C3: variants seen among roughly 807,000 people sequenced by gnomAD.
C3 encodes complement C3.
A neutral mutation model predicts 207.9 loss-of-function variants in C3; 97 were observed. That is an observed-to-expected ratio of 0.47 (90% CI 0.40 to 0.55). The LOEUF (loss-of-function observed/expected upper bound fraction) is 0.55. C3 is among the 20% of genes least tolerant of loss of function. The probability of loss-of-function intolerance (pLI) is 0.00; values close to 1 mark genes in which losing one functional copy is unlikely to be tolerated. For synonymous variants in C3, 848 were observed against 857.6 expected (o/e 0.99, Z 0.20); for missense variants, 1,684 against 2,171.7 (o/e 0.78, Z 4.46).
In C3 at chr19:6,700,690, A is replaced by G. The variant is rs868620550; in HGVS notation, c.2440+1437T>C. ...TTATATATGTAATATATAATATATG[A>G]TATATTATATATGTAATATGTGGTA... On this transcript the variant is annotated intron_variant, in intron 19 of 40. Coordinates refer to ENST00000245907, the MANE Select transcript of C3 (RefSeq NM_000064.4). Among the ~76,000 whole-genome samples the G allele has an allele frequency of 6.3e-4, 10 of 15,994 alleles. 1 individual carries two copies. The highest frequency in any genetic ancestry group is 5.2e-4 in the Non-Finnish European group (5 of 9,536). 10.5% of individuals were successfully genotyped at this position (15,994 alleles called of 152,430 possible).
In C3 at chr19:6,693,474, C is replaced by T. The variant is rs2051854630; in HGVS notation, c.3168G>A (p.Gln1056=). The T allele has an allele frequency of 6.2e-7, 1 of 1,612,238 alleles. No individual in the cohort carries two copies. Among genetic ancestry groups the T allele is most frequent in the African/African-American group, 1.3e-5 (1 of 74,876 alleles). Residue 1056 remains glutamine, a synonymous_variant, in exon 25 of 41, where the codon CAG becomes CAA. Transcript: ENST00000245907. Reference sequence around the variant, plus strand: ...CAGAGCTGGGTTGTCTGAAGGCCAGCTGCTGGGTGTACCCTGCAGAGAAGA... The same window carrying T: ...CAGAGCTGGGTTGTCTGAAGGCCAGTTGCTGGGTGTACCCTGCAGAGAAGA... The part of the protein sequence containing the change: ...LELIKKGYTQ[Q]LAFRQPSSAF...
Position 6,681,662 on chromosome 19 carries a change from C to CA in C3, c.4350+278dup, listed in dbSNP as rs550359675. Among the ~76,000 whole-genome samples the CA allele has an allele frequency of 9.4e-3, 1,420 of 151,846 alleles. 7 individuals carry two copies. The highest frequency in any genetic ancestry group is 0.014 in the Non-Finnish European group (963 of 67,892). ...TCTACAAAGCACTTAAAAAAAAAAC[C>CA]AAAAAAACCAAAAGGGCTTTTTTTC... On this transcript the variant is annotated intron_variant, in intron 35 of 40. Transcript: ENST00000245907.
In C3 at chr19:6,707,819, C is replaced by T. The variant is rs780120662; in HGVS notation, c.1956G>A (p.Gln652=). The change falls in exon 15 of 41, where the codon CAG becomes CAA. Residue 652 remains glutamine, a synonymous_variant. Coordinates refer to ENST00000245907, the MANE Select transcript of C3 (RefSeq NM_000064.4). ...AGLTFTSSSG[Q]QTAQRAELQC... ...CCTCACCTGCCCTCTGGGCGGTCTGCTGGCCACTGCTGCTCGTGAAGGTCA... is the reference window on the plus strand; with the variant it reads ...CCTCACCTGCCCTCTGGGCGGTCTGTTGGCCACTGCTGCTCGTGAAGGTCA... 1.2e-6 allele frequency: 2 copies of T among 1,613,722 alleles called. No homozygotes were observed. Among genetic ancestry groups the T allele is most frequent in the Non-Finnish European group, 1.7e-6 (2 of 1,179,998 alleles).
At position 6,710,831 on chromosome 19, in the gene C3, G is replaced by C. The variant is rs144524394; in HGVS notation, c.1494C>G (p.Gly498=). The C allele has an allele frequency of 1.9e-6, 3 of 1,613,864 alleles. No individual in the cohort carries two copies. Among genetic ancestry groups the C allele is most frequent in the Non-Finnish European group, 2.5e-6 (3 of 1,179,862 alleles). The change falls in exon 13 of 41, where the codon GGC becomes GGG. Residue 498 remains glycine (G), a synonymous_variant. Coordinates refer to ENST00000245907, the MANE Select transcript of C3 (RefSeq NM_000064.4). ...RYYTYLIMNK[G]RLLKAGRQVR... is the part of the protein sequence containing the mutation. ...CCTGGCGTCCCGCCTTCAACAGCCT[G>C]CCCTTGTTCATGATCTGGGGGGACA...
chr19:6,715,861 G>T (rs377210250), intron 4 of C3, among the ~76,000 whole-genome samples: 1 of 151,958 alleles, frequency 6.6e-6, no homozygotes, highest in East Asian at 1.9e-4. Context: ...TCCTGACCTC[G>T]TGATCTGCCC....
chr19:6,685,055 G>A lies in C3; in HGVS notation c.3902C>T (p.Pro1301Leu). The A allele has an allele frequency of 6.2e-7, 1 of 1,614,068 alleles. No individual in the cohort carries two copies. Among genetic ancestry groups the A allele is most frequent in the South Asian group, 1.1e-5 (1 of 91,076 alleles). The change falls in exon 30 of 41, where the codon CCC (proline) becomes CTC (leucine). Residue 1301 changes from proline to leucine, a missense_variant. This residue lies in a region of C3 where 1,280 missense variants were observed against 1,739.1 expected (regional missense o/e 0.74). Transcript: ENST00000245907. ...GTGGGTGATCTTGGAGCTGCGGCTG[G>A]GCAGTTGGAGGGACACATCAAGGTT... Reference protein sequence around the residue: ...ELNLDVSLQLPSRSSKITHRI... With the variant: ...ELNLDVSLQLLSRSSKITHRI...
In C3 at chr19:6,707,263, G is replaced by C; in HGVS notation, c.2058C>G (p.Tyr686Ter). The change falls in exon 17 of 41, where the codon TAC (tyrosine) becomes TAG (stop). Residue 686 changes from tyrosine (Y) to a stop codon, truncating the protein, a stop_gained. Transcript: ENST00000245907. LOFTEE classifies it high-confidence loss of function. ...TEKRMDKVGK[Y>*]PKELRKCCED... ...CGCAGCACTTGCGCAGCTCCTTGGGGTACTTGCCGACTGCGGGAGCACGTG... is the reference window on the plus strand; with the variant it reads ...CGCAGCACTTGCGCAGCTCCTTGGGCTACTTGCCGACTGCGGGAGCACGTG... 1.2e-6 allele frequency: 2 copies of C among 1,610,210 alleles called. No individual in the cohort carries two copies. Among genetic ancestry groups the C allele is most frequent in the Non-Finnish European group, 1.7e-6 (2 of 1,178,444 alleles).
In C3 at chr19:6,684,434, T is replaced by C. The variant is rs772738604; in HGVS notation, c.4126A>G (p.Arg1376Gly). The C allele has an allele frequency of 5.6e-6, 9 of 1,613,644 alleles. No individual in the cohort carries two copies. The highest frequency in any genetic ancestry group is 6.8e-6 in the Non-Finnish European group (8 of 1,179,500). Reference sequence around the variant, plus strand: ...ATAGTGTTCTTGGCATCCTGAGGCCTCTTTTCTAGAAACACAGAAGAGAGA... The same window carrying C: ...ATAGTGTTCTTGGCATCCTGAGGCCCCTTTTCTAGAAACACAGAAGAGAGA... ...TIKPAPETEKRPQDAKNTMIL... is the reference protein window; with the variant it reads ...TIKPAPETEKGPQDAKNTMIL... The change falls in exon 33 of 41, where the codon AGG becomes GGG. Residue 1376 changes from arginine to glycine, a missense_variant. Arg to Gly is a moderately radical substitution (Grantham distance 125). Around this residue, in one of 3 missense-constraint regions of C3, gnomAD observed 346 missense variants for 380.1 expected, o/e 0.91. Transcript: ENST00000245907.
At chr19:6,697,308 G>T in intron 21 of C3, 36 bp downstream of exon 21, 1 of 1,524,210 alleles carries the variant, frequency 6.6e-7, no homozygotes, top group Non-Finnish European at 9.1e-7. Flanking sequence ...AGCCCTCTCT[G>T]AAGGACAAGG....
Position 6,696,598 on chromosome 19 carries a change from C to T in C3, c.2858G>A (p.Gly953Asp). 6.2e-7 allele frequency: 1 copy of T among 1,614,018 alleles called. No homozygotes were observed. Among genetic ancestry groups the T allele is most frequent in the Non-Finnish European group, 8.5e-7 (1 of 1,179,918 alleles). The stretch of plus-strand genomic sequence containing the variant: ...TCCCCCTGCAGCCGACTCACCACGG[C>T]CCAGGCGTTCTGGATCCAGGGTGCG... ...AVRTLDPERL[G>D]REGVQKEDIP... The change falls in exon 22 of 41, where the codon GGC (glycine) becomes GAC (aspartate). Residue 953 changes from glycine (G) to aspartate (D), a missense_variant. Transcript: ENST00000245907.
At chr19:6,688,524 C>T (rs1918070731) in intron 27 of C3, among the ~76,000 whole-genome samples, 1 of 144,352 alleles carries the variant, frequency 6.9e-6, no homozygotes, top group Non-Finnish European at 1.5e-5. Flanking sequence ...TTATAGCACA[C>T]TTTTTTTTTT....
At chr19:6,682,453 G>A in intron 33 of C3, 1 of 533,092 alleles carries the variant, frequency 1.9e-6, no homozygotes, top group Non-Finnish European at 3.4e-6. Flanking sequence ...CCAACTGCAT[G>A]GATTCAAATT....
At chr19:6,691,072 T>TTTTTTTA (rs1918154444) in intron 26 of C3, among the ~76,000 whole-genome samples, 3 of 147,326 alleles carry the variant, frequency 2.0e-5, no homozygotes, top group Non-Finnish European at 4.5e-5. Context: ...TTTTTTTTTT[T>TTTTTTTA]GGGACAGTTT....
intron 35 of C3, among the ~76,000 whole-genome samples, 170 bp downstream of exon 35, chr19:6,681,771 C>A (rs1227131061): frequency 1.3e-5 from 2 of 151,886 alleles, no homozygotes; most frequent in Admixed American, 1.3e-4. Context: ...CTGGGTTGAC[C>A]CCCTTATTTT....
In C3 at chr19:6,700,565, A is replaced by G. The variant is rs527738886; in HGVS notation, c.2440+1562T>C. Among the ~76,000 whole-genome samples the G allele has an allele frequency of 3.8e-4, 18 of 47,368 alleles. 4 individuals carry two copies. Among genetic ancestry groups the G allele is most frequent in the African/African-American group, 2.4e-3 (18 of 7,558 alleles). 31.1% of individuals were successfully genotyped at this position (47,368 alleles called of 152,430 possible). On this transcript the variant is annotated intron_variant, in intron 19 of 40. Transcript: ENST00000245907. ...ATATGTAATATATAATATATGTAAT[A>G]TATGATATATTATATATGTAATATA...
At chr19:6,711,812 C>T (rs1180497527) in intron 11 of C3, among the ~76,000 whole-genome samples, 1 of 152,202 alleles carries the variant, frequency 6.6e-6, no homozygotes, top group Non-Finnish European at 1.5e-5. Flanking sequence ...CTGAGACCAC[C>T]TCACAACAAT....
At chr19:6,708,035 C>A in intron 14 of C3, 106 bp from the exon 15 acceptor site, 1 of 1,299,380 alleles carries the variant, frequency 7.7e-7, no homozygotes, top group Non-Finnish European at 1.1e-6. Flanking sequence ...CACCCTGTCC[C>A]ACTCTCATCT....
intron 35 of C3, 116 bp from the exon 36 acceptor site, chr19:6,680,379 T>C (rs1044940273): frequency 2.4e-5 from 17 of 716,146 alleles, no homozygotes; most frequent in African/African-American, 2.1e-4. Flanking sequence ...GTGGCAAAGA[T>C]GAATGAGCAA....
intron 19 of C3, among the ~76,000 whole-genome samples, chr19:6,698,205 T>C (rs1967581072): frequency 1.3e-5 from 2 of 151,838 alleles, no homozygotes; most frequent in Non-Finnish European, 2.9e-5. Context: ...TTAGTAGAGA[T>C]GGGGTTTCAC....
Sources: allele counts gnomAD v4.1 joint callset (sites outside exome capture counted in the v4.1 genomes callset), GRCh38; gene constraint gnomAD v4.1.1; regional missense constraint gnomAD v4.1.1; transcripts MANE v1.5; gene names NCBI Gene and HGNC (gene_info 2026-07-23, HGNC 2026-07-21).